Variants in ZC3H13 observed in about 807,000 individuals in gnomAD.
The protein encoded by ZC3H13 is zinc finger CCCH-type containing 13.
In ZC3H13, 64 loss-of-function variants were observed where a neutral mutation model predicts 204.1. That is an observed-to-expected ratio of 0.31 (90% CI 0.26 to 0.39). The LOEUF is 0.39. Ranked by LOEUF, ZC3H13 falls within the 10% of genes least tolerant of loss-of-function variation. The pLI is 1.00. For missense variants in ZC3H13, 1,833 were observed against 2,082.7 expected (o/e 0.88, Z 2.33); for synonymous variants, 667 against 693.7 (o/e 0.96, Z 0.60).
chr13:46,015,998 T>C (rs2041886733), intron 5 of ZC3H13, among the ~76,000 whole-genome samples: 2 of 150,176 alleles, frequency 1.3e-5, no homozygotes, highest in Admixed American at 6.6e-5. Flanking sequence ...CTTCACAAAA[T>C]AGGGTGTACA....
chr13:45,987,523 T>C (rs543631851), intron 9 of ZC3H13, among the ~76,000 whole-genome samples: 2 of 141,974 alleles, frequency 1.4e-5, no homozygotes, highest in East Asian at 4.2e-4. Context: ...CTGACCTAGT[T>C]CCAAAATCAT....
At chr13:46,000,428 T>C (rs566709105) in intron 8 of ZC3H13, among the ~76,000 whole-genome samples, 6 of 152,376 alleles carry the variant, frequency 3.9e-5, no homozygotes, top group African/African-American at 1.4e-4. Context: ...TCTTGCACTT[T>C]TGTGCTACGG....
intron 11 of ZC3H13, among the ~76,000 whole-genome samples, chr13:45,977,855 G>A (rs1953194300): frequency 6.6e-6 from 1 of 152,048 alleles, no homozygotes; most frequent in Non-Finnish European, 1.5e-5. Context: ...GCAGTGAAAG[G>A]CAATTAAAAT....
chr13:45,970,418 T>A lies in ZC3H13; in HGVS notation c.2516A>T (p.Lys839Met). Residue 839 changes from lysine to methionine, a missense_variant, in exon 13 of 19, where the codon AAG (lysine) becomes ATG (methionine). Physicochemically the swap from Lys to Met is moderately conservative, Grantham distance 95. This residue lies in a region of ZC3H13 where 1,574 missense variants were observed against 1,757.2 expected (regional missense o/e 0.90). Transcript: ENST00000679008. The stretch of plus-strand genomic sequence containing the variant: ...GTCCGGAGAATGTTCACGCCGGCGC[T>A]TCGGGGACTGTCTAGGGCTGGGACT... ...EGSPSPRQSPKRRREHSPDSD... is the reference protein window; with the variant it reads ...EGSPSPRQSPMRRREHSPDSD... 1 of 1,613,960 alleles carries A rather than the reference T, an allele frequency of 6.2e-7. No individual in the cohort carries two copies. The highest frequency in any genetic ancestry group is 8.5e-7 in the Non-Finnish European group (1 of 1,179,876).
At position 45,988,902 on chromosome 13, in the gene ZC3H13, C is replaced by A. The variant is rs34042976; in HGVS notation, c.1140G>T (p.Ser380=). ...SASPYPSHSL[S]SPQRKQSPPR... ...GAGGACTCTGCTTTCTCTGGGGAGA[C>A]GACAAAGAATGTGAAGGATAAGGAG... Residue 380 remains serine, a synonymous_variant, in exon 9 of 19, where the codon TCG becomes TCT. Coordinates refer to ENST00000679008, the MANE Select transcript of ZC3H13 (RefSeq NM_001330564.2). The A allele has an allele frequency of 6.2e-7, 1 of 1,613,964 alleles. No individual in the cohort carries two copies. The highest frequency in any genetic ancestry group is 8.5e-7 in the Non-Finnish European group (1 of 1,180,014).
chr13:45,965,297 T>C lies in ZC3H13; in HGVS notation c.4457A>G (p.Asp1486Gly), dbSNP rs1566148781. 1 of 1,613,392 alleles carries C rather than the reference T, an allele frequency of 6.2e-7. No homozygotes were observed. The highest frequency in any genetic ancestry group is 1.1e-5 in the South Asian group (1 of 91,004). ...ATAGTTACCTGGCATCTTCTCCTCA[T>C]CCTGTTGGTCCTCCCTCTTTTCTGC... Reference protein sequence around the residue: ...GDAEKREDQQDEEKMPDPLDV... With the variant: ...GDAEKREDQQGEEKMPDPLDV... The change falls in exon 16 of 19, where the codon GAT becomes GGT. Residue 1486 changes from aspartate (D) to glycine (G), a missense_variant. Around this residue, in one of 5 missense-constraint regions of ZC3H13, gnomAD observed 211 missense variants for 228.4 expected, o/e 0.92. Coordinates refer to ENST00000679008, the MANE Select transcript of ZC3H13 (RefSeq NM_001330564.2).
At chr13:45,962,903 A>G (rs1315754676) in intron 17 of ZC3H13, 1 of 985,318 alleles carries the variant, frequency 1.0e-6, no homozygotes, top group Non-Finnish European at 1.2e-6. Context: ...GTACTAGATG[A>G]GACAGAGACA....
intron 7 of ZC3H13, among the ~76,000 whole-genome samples, chr13:46,004,140 C>CTGTG (rs113622879): frequency 0.037 from 5,476 of 149,624 alleles, 203 homozygotes; most frequent in Admixed American, 0.084. Flanking sequence ...AATGGTAACT[C>CTGTG]TGTGTGTGTG....
At chr13:46,018,533 G>A (rs957430044) in intron 5 of ZC3H13, among the ~76,000 whole-genome samples, 2 of 152,094 alleles carry the variant, frequency 1.3e-5, no homozygotes, top group South Asian at 4.1e-4. Context: ...TATACAGCAG[G>A]AAGGAGGCCT....
At chr13:45,980,872 TAC>T (rs1217195215) in intron 10 of ZC3H13, among the ~76,000 whole-genome samples, 1 of 152,136 alleles carries the variant, frequency 6.6e-6, no homozygotes, top group African/African-American at 2.4e-5. Context: ...AAAAGCTACA[TAC>T]AGACATACAC....
chr13:45,985,829 T>G, intron 9 of ZC3H13, 68 bp from the exon 10 acceptor site: 1 of 1,375,940 alleles, frequency 7.3e-7, no homozygotes, highest in Non-Finnish European at 9.9e-7. Context: ...GAAAACATAT[T>G]TAATACAGAA....
Position 45,959,562 on chromosome 13 carries a change from C to T in ZC3H13, c.4760G>A (p.Ser1587Asn). 6.5e-7 allele frequency: 1 copy of T among 1,549,434 alleles called. No homozygotes were observed. The highest frequency in any genetic ancestry group is 8.7e-7 in the Non-Finnish European group (1 of 1,146,520). ...LRKEERASLL[S>N]NLGPCCKALC... ...CGCCTTACAACATGGGCCAAGATTA[C>T]TAAGAAGACTTGCTCTTTCTTCTTT... Residue 1587 changes from serine (S) to asparagine (N), a missense_variant, in exon 18 of 19, where the codon AGT becomes AAT. Around this residue, in one of 5 missense-constraint regions of ZC3H13, gnomAD observed 211 missense variants for 228.4 expected, o/e 0.92. Coordinates refer to ENST00000679008, the MANE Select transcript of ZC3H13 (RefSeq NM_001330564.2).
intron 18 of ZC3H13, among the ~76,000 whole-genome samples, chr13:45,957,520 A>C (rs1951347749): frequency 6.6e-6 from 1 of 152,226 alleles, no homozygotes. Flanking sequence ...CCTCTTGCTT[A>C]AAGTAGGAAT....
chr13:45,979,773 T>G, intron 11 of ZC3H13, 40 bp downstream of exon 11: 29 of 1,506,712 alleles, frequency 1.9e-5, no homozygotes, highest in Non-Finnish European at 2.5e-5. Flanking sequence ...TTCGCCCAAT[T>G]GATATTGTTC....
At chr13:46,040,101 C>T (rs2043472616) in intron 4 of ZC3H13, among the ~76,000 whole-genome samples, 1 of 152,094 alleles carries the variant, frequency 6.6e-6, no homozygotes, top group Admixed American at 6.6e-5. Context: ...AAAAGATCTT[C>T]CCTCAAAAGG....
At chr13:45,959,935 T>A (rs185551894) in intron 17 of ZC3H13, among the ~76,000 whole-genome samples, 3 of 151,980 alleles carry the variant, frequency 2.0e-5, no homozygotes, top group African/African-American at 7.2e-5. Flanking sequence ...ATTTTTTTTT[T>A]AATTTTAAAC....
At position 46,003,309 on chromosome 13, in the gene ZC3H13, C is replaced by T. The variant is rs1165904683; in HGVS notation, c.774G>A (p.Lys258=). Residue 258 remains lysine, a synonymous_variant, in exon 8 of 19, where the codon AAG becomes AAA. Coordinates refer to ENST00000679008, the MANE Select transcript of ZC3H13 (RefSeq NM_001330564.2). ...QRNSKTNQSK[K]KGPRTPSPPP... is the part of the protein sequence containing the mutation. ...GTGGACTAGGAGTACGTGGTCCTTT[C>T]TTTTTACTTTGGTTGGTTTTTGAAT... The T allele has an allele frequency of 1.2e-6, 2 of 1,607,398 alleles. No homozygotes were observed. The highest frequency in any genetic ancestry group is 3.4e-5 in the Admixed American group (2 of 58,388).
chr13:45,965,540 C>A, intron 15 of ZC3H13, 108 bp from the exon 16 acceptor site: 1 of 1,015,472 alleles, frequency 9.8e-7, no homozygotes, highest in Non-Finnish European at 1.3e-6. Flanking sequence ...TGAAAAACAT[C>A]TTTTCATCAG....
At chr13:45,963,148 T>TCCCG (rs1951813881) in intron 17 of ZC3H13, 4 of 968,252 alleles carry the variant, frequency 4.1e-6, no homozygotes, top group Non-Finnish European at 4.9e-6. Flanking sequence ...ATTCCTGACT[T>TCCCG]ACAGATGATG....
Sources: allele counts gnomAD v4.1 joint callset (sites outside exome capture counted in the v4.1 genomes callset), GRCh38; gene constraint gnomAD v4.1.1; regional missense constraint gnomAD v4.1.1; transcripts MANE v1.5; gene names NCBI Gene and HGNC (gene_info 2026-07-23, HGNC 2026-07-21).